Variants in NRG1 observed in about 807,000 individuals in gnomAD.
The protein encoded by NRG1 is pro-neuregulin-1, membrane-bound isoform.
NRG1 carries 18 observed loss-of-function variants against 63.8 expected under a neutral mutation model. The ratio of observed to expected loss-of-function variants is 0.28; its 90% CI spans 0.19 to 0.42. NRG1 has a LOEUF of 0.42. NRG1 is among the 10% of genes least tolerant of loss of function. The pLI, the probability that NRG1 is intolerant of heterozygous loss-of-function variation, is 1.00. For missense variants in NRG1, 762 were observed against 814.7 expected, an observed-to-expected ratio of 0.94 and a Z score of 0.79; for synonymous variants, 302 against 301.3, an observed-to-expected ratio of 1.00 and a Z score of -0.02.
At chr8:32,605,320 A>T (rs1035060208) in intron 2 of NRG1, among the ~76,000 whole-genome samples, 4 of 152,158 alleles carry the variant, frequency 2.6e-5, no homozygotes, top group African/African-American at 9.6e-5. Context: ...GAATTCCTTT[A>T]AACTACTGAT....
intron 1 of NRG1, among the ~76,000 whole-genome samples, chr8:31,816,322 C>T (rs753067437): frequency 7.2e-5 from 11 of 152,120 alleles, no homozygotes; most frequent in Admixed American, 1.3e-4. Flanking sequence ...TCCTCTCTTC[C>T]GATGACGGTC....
intron 1 of NRG1, among the ~76,000 whole-genome samples, chr8:31,995,487 C>A (rs1049524368): frequency 2.0e-5 from 3 of 151,870 alleles, no homozygotes; most frequent in Admixed American, 1.3e-4. Context: ...CCTGGGATAC[C>A]CTTGTGGCTT....
At chr8:31,670,097 C>T (rs1360709652) in intron 1 of NRG1, among the ~76,000 whole-genome samples, 1 of 152,156 alleles carries the variant, frequency 6.6e-6, no homozygotes, top group Non-Finnish European at 1.5e-5. Flanking sequence ...CATTTCTGTG[C>T]ATTTAGTTCC....
intron 1 of NRG1, among the ~76,000 whole-genome samples, chr8:31,912,813 C>T (rs1032527221): frequency 1.3e-5 from 2 of 152,008 alleles, no homozygotes; most frequent in African/African-American, 2.4e-5. Flanking sequence ...GGGAAGCTAC[C>T]GTTTAAACCC....
intron 1 of NRG1, among the ~76,000 whole-genome samples, chr8:31,899,996 A>T (rs1177193163): frequency 6.6e-6 from 1 of 152,216 alleles, no homozygotes; most frequent in Non-Finnish European, 1.5e-5. Context: ...TTTGCTGTTT[A>T]TGCACATTTT....
intron 1 of NRG1, among the ~76,000 whole-genome samples, chr8:31,722,497 A>G (rs1255182886): frequency 6.6e-6 from 1 of 152,182 alleles, no homozygotes; most frequent in Non-Finnish European, 1.5e-5. Context: ...AAGGTCTACT[A>G]AGAGTAAATG....
chr8:32,670,281 T>C (rs1296564172), intron 5 of NRG1, among the ~76,000 whole-genome samples: 4 of 152,148 alleles, frequency 2.6e-5, no homozygotes, highest in Admixed American at 6.5e-5. Context: ...CAAATCGCAT[T>C]CCAGTTTGAG....
chr8:31,756,062 T>C (rs928010429), intron 1 of NRG1, among the ~76,000 whole-genome samples: 4 of 152,148 alleles, frequency 2.6e-5, no homozygotes, highest in African/African-American at 9.7e-5. Flanking sequence ...ATGCAAAGCA[T>C]TGTTTATATA....
intron 1 of NRG1, among the ~76,000 whole-genome samples, chr8:32,011,877 G>A (rs1814818514): frequency 1.3e-5 from 2 of 152,100 alleles, no homozygotes; most frequent in Admixed American, 1.3e-4. Context: ...TTTTAAGTGA[G>A]CTTTTGTTTT....
In NRG1 at chr8:32,692,139, AT is replaced by A. The variant is rs553261977; in HGVS notation, c.503-35803del. On this transcript the variant is annotated intron_variant, in intron 5 of 11. Transcript: ENST00000356819. ...AAGTATTTTCCAAATACAATCAGTG[AT>A]TTTTTTGTGTGTGCTAAGTGTTCTC... Among the ~76,000 whole-genome samples the A allele has an allele frequency of 1.1e-4, 16 of 152,338 alleles. No individual in the cohort carries two copies. The East Asian group carries it at 2.7e-3, about 26-fold the overall frequency.
intron 1 of NRG1, among the ~76,000 whole-genome samples, chr8:32,184,144 A>C (rs1222019799): frequency 6.6e-6 from 1 of 152,118 alleles, no homozygotes; most frequent in African/African-American, 2.4e-5. Flanking sequence ...ATATATAGAT[A>C]TATAGAGAGA....
At chr8:32,173,396 G>C (rs937134393) in intron 1 of NRG1, among the ~76,000 whole-genome samples, 8 of 152,200 alleles carry the variant, frequency 5.3e-5, no homozygotes, top group Non-Finnish European at 1.2e-4. Flanking sequence ...ATGCCAAATT[G>C]TAAAGACCAT....
chr8:31,747,700 C>T (rs1457441979), intron 1 of NRG1, among the ~76,000 whole-genome samples: 1 of 151,898 alleles, frequency 6.6e-6, no homozygotes, highest in African/African-American at 2.4e-5. Context: ...CTTTATTAGG[C>T]TTCCACTTCA....
At chr8:32,251,325 G>T (rs1849076838) in intron 1 of NRG1, among the ~76,000 whole-genome samples, 1 of 151,930 alleles carries the variant, frequency 6.6e-6, no homozygotes, top group Non-Finnish European at 1.5e-5. Flanking sequence ...TTCTGTTCCT[G>T]TGTTAGTTTG....
At chr8:32,682,503 C>T (rs1329148247) in intron 5 of NRG1, among the ~76,000 whole-genome samples, 2 of 152,062 alleles carry the variant, frequency 1.3e-5, no homozygotes, top group African/African-American at 4.8e-5. Context: ...TTGCATAATA[C>T]CTGCTTCTGA....
chr8:32,085,605 C>A (rs1347337391), intron 1 of NRG1, among the ~76,000 whole-genome samples: 2 of 152,150 alleles, frequency 1.3e-5, no homozygotes, highest in Non-Finnish European at 2.9e-5. Context: ...TATTAACTTT[C>A]AGACTAACTG....
At chr8:32,053,606 C>A (rs1822353564) in intron 1 of NRG1, among the ~76,000 whole-genome samples, 1 of 152,092 alleles carries the variant, frequency 6.6e-6, no homozygotes, top group South Asian at 2.1e-4. Context: ...TCAGCTAATA[C>A]CATGGAGAGA....
rs1026026278 is a variant in NRG1, at chr8:32,041,079, T to A, written c.37+401648T>A. Among the ~76,000 whole-genome samples the A allele has an allele frequency of 3.9e-5, 6 of 152,208 alleles. No homozygotes were observed. In the East Asian group the frequency reaches 1.2e-3, roughly 29 times the overall value. On this transcript the variant is annotated intron_variant, in intron 1 of 10. Coordinates refer to the NRG1 transcript ENST00000519301. ...CAAATTAATTTCCGAATGTTAAAAA[T>A]CATTTTACTTATGGATAACTTCATT...
chr8:32,333,132 A>G (rs1452301346), intron 1 of NRG1, among the ~76,000 whole-genome samples: 1 of 152,216 alleles, frequency 6.6e-6, no homozygotes, highest in Non-Finnish European at 1.5e-5. Context: ...TCCCAAAAAG[A>G]CAGGTTAAAA....
Sources: allele counts gnomAD v4.1 joint callset (sites outside exome capture counted in the v4.1 genomes callset), GRCh38; gene constraint gnomAD v4.1.1; transcripts MANE v1.5; gene names NCBI Gene and HGNC (gene_info 2026-07-23, HGNC 2026-07-21).